The following CHD2 variants were observed in gnomAD, a reference collection of about 807,000 sequenced individuals.
CHD2 encodes ATP-dependent chromatin remodeler CHD2.
Under a neutral mutation model 243.9 loss-of-function variants are expected in CHD2, and 28 were observed. The observed-to-expected ratio is 0.11, with a 90% confidence interval of 0.09 to 0.16. The LOEUF (loss-of-function observed/expected upper bound fraction) is 0.16. Among genes scored for constraint, CHD2 ranks in the 10% least tolerant of loss-of-function variants. The pLI is 1.00. For missense variants in CHD2, 1,386 were observed against 2,209.8 expected (o/e 0.63, Z 7.47); for synonymous variants, 775 against 779.0 (o/e 0.99, Z 0.09).
intron 38 of CHD2, among the ~76,000 whole-genome samples, chr15:93,023,786 G>GT (rs1305241350): frequency 2.6e-5 from 4 of 151,042 alleles, no homozygotes; most frequent in South Asian, 2.1e-4. Flanking sequence ...TCTTCTCATG[G>GT]TTTTTTTTGG....
intron 2 of CHD2, among the ~76,000 whole-genome samples, chr15:92,915,788 A>T (rs916610828): frequency 6.6e-6 from 1 of 152,200 alleles, no homozygotes; most frequent in Admixed American, 6.5e-5. Flanking sequence ...TCAAGCTGGG[A>T]ACTGTGTCAG....
At chr15:92,972,850 C>CAA (rs758722546) in intron 19 of CHD2, among the ~76,000 whole-genome samples, 3 of 7,194 alleles carry the variant, frequency 4.2e-4, no homozygotes, top group African/African-American at 5.2e-4. Context: ...GACTCCGTCT[C>CAA]AAAAAAAAAA....
At chr15:92,964,955 CATAT>C (rs1447835628) in intron 16 of CHD2, among the ~76,000 whole-genome samples, 1 of 152,118 alleles carries the variant, frequency 6.6e-6, no homozygotes, top group African/African-American at 2.4e-5. Flanking sequence ...TTTCCTTTTA[CATAT>C]TTACTGTGTG....
rs1429358185 is a variant in CHD2 at position 92,900,339 on chromosome 15, G to A, written c.-557G>A. On this transcript the variant is annotated 5_prime_UTR_variant, in exon 1 of 39. Transcript: ENST00000394196. ...CAGAGCTCTCAGAGCTGGGAAGGAG[G>A]CTCTAGATGGCGGCTGTGCCTTAGA... 1 of 382,846 alleles carries A rather than the reference G, an allele frequency of 2.6e-6. No individual in the cohort carries two copies. The highest frequency in any genetic ancestry group is 6.6e-4 in the Middle Eastern group (1 of 1,520). The allele number at this position is 382,846 out of a possible 1,614,324, so 23.7% of individuals were successfully genotyped here.
At chr15:92,917,739 G>A (rs1364581243) in intron 2 of CHD2, among the ~76,000 whole-genome samples, 1 of 152,200 alleles carries the variant, frequency 6.6e-6, no homozygotes, top group East Asian at 1.9e-4. Flanking sequence ...GCTGATAGTT[G>A]ATAGTGTGGA....
Position 92,930,220 on chromosome 15 carries a change from T to G in CHD2, c.443+1129T>G, listed in dbSNP as rs141194578. Reference sequence around the variant, plus strand: ...TCTTTCCTGAAATGTCCACCTTGATTACACCCTGGGAAATCCATGCATGTA... The same window carrying G: ...TCTTTCCTGAAATGTCCACCTTGATGACACCCTGGGAAATCCATGCATGTA... On this transcript the variant is annotated intron_variant, in intron 5 of 38. Coordinates refer to ENST00000394196, the MANE Select transcript of CHD2 (RefSeq NM_001271.4). Among the ~76,000 whole-genome samples the G allele has an allele frequency of 9.1e-4, 139 of 152,320 alleles. 1 individual carries two copies. In the East Asian group the frequency reaches 9.3e-3, roughly 10 times the overall value.
intron 36 of CHD2, among the ~76,000 whole-genome samples, chr15:93,012,890 G>A (rs908670451): frequency 6.6e-6 from 1 of 152,222 alleles, no homozygotes; most frequent in African/African-American, 2.4e-5. Context: ...TTTGGAATAG[G>A]GGGATGGGTG....
chr15:92,945,973 C>G, intron 11 of CHD2, 65 bp from the exon 12 acceptor site: 1 of 1,497,224 alleles, frequency 6.7e-7, no homozygotes. Flanking sequence ...ATGCATAAAA[C>G]AGAATGTCAT....
At chr15:92,952,599 A>G (rs1442518491) in intron 13 of CHD2, among the ~76,000 whole-genome samples, 1 of 152,144 alleles carries the variant, frequency 6.6e-6, no homozygotes, top group African/African-American at 2.4e-5. Flanking sequence ...GCCGTTGCTG[A>G]TCTGACAGGA....
chr15:92,923,138 T>G (rs1393377554), intron 2 of CHD2, among the ~76,000 whole-genome samples: 1 of 152,222 alleles, frequency 6.6e-6, no homozygotes, highest in East Asian at 1.9e-4. Context: ...GGATTGAAGT[T>G]AATGTGTATA....
Position 92,937,514 on chromosome 15 carries a change from A to C in CHD2, c.444-4A>C, listed in dbSNP as rs369479687. The C allele has an allele frequency of 8.0e-5, 128 of 1,596,576 alleles. No individual in the cohort carries two copies. The highest frequency in any genetic ancestry group is 1.1e-4 in the Non-Finnish European group (128 of 1,172,502). ...AAATTACTTTGTTTTGCTTTTGATC[A>C]CAGAGAAAAATGGAAACAGGAACCC... is the stretch of plus-strand genomic sequence containing the variant. On this transcript the variant is annotated splice_region_variant and splice_polypyrimidine_tract_variant and intron_variant, in intron 5 of 38. Transcript: ENST00000394196.
chr15:92,901,015 T>C (rs908776263), intron 1 of CHD2, among the ~76,000 whole-genome samples, 152 bp from the exon 2 acceptor site: 7 of 151,286 alleles, frequency 4.6e-5, no homozygotes, highest in Admixed American at 4.6e-4. Context: ...CCTGTTGTTT[T>C]TTCTTTTAAG....
chr15:92,968,467 G>A (rs927343578), intron 17 of CHD2, among the ~76,000 whole-genome samples: 2 of 152,220 alleles, frequency 1.3e-5, no homozygotes, highest in African/African-American at 4.8e-5. Context: ...TGACTTTAGA[G>A]GCAGAGGAAT....
chr15:92,924,863 C>T (rs182018882), intron 3 of CHD2, among the ~76,000 whole-genome samples: 7 of 152,256 alleles, frequency 4.6e-5, no homozygotes, highest in East Asian at 1.9e-4. Context: ...CGCAGTGGCA[C>T]GATCTTGGCT....
chr15:92,978,682 T>C (rs2053939159), intron 21 of CHD2, among the ~76,000 whole-genome samples: 1 of 152,264 alleles, frequency 6.6e-6, no homozygotes, highest in African/African-American at 2.4e-5. Flanking sequence ...TATTTTAGTA[T>C]GGAAAAGTTA....
chr15:92,989,310 G>A (rs912341787), intron 26 of CHD2, among the ~76,000 whole-genome samples: 4 of 152,132 alleles, frequency 2.6e-5, no homozygotes, highest in Admixed American at 2.6e-4. Context: ...CGGATTACAG[G>A]CGTGAGCCAC....
chr15:92,976,965 T>C (rs1048800194), intron 20 of CHD2, among the ~76,000 whole-genome samples: 4 of 152,144 alleles, frequency 2.6e-5, no homozygotes, highest in African/African-American at 7.2e-5. Flanking sequence ...TTTATTTATT[T>C]AACTACCTTA....
chr15:93,004,806 C>G (rs2054299655), intron 34 of CHD2, 55 bp downstream of exon 34: 4 of 1,580,764 alleles, frequency 2.5e-6, no homozygotes, highest in Non-Finnish European at 8.6e-7. Context: ...CTTGCTGTGG[C>G]TCTGCCTTTT....
chr15:92,991,570 A>G, intron 27 of CHD2, 53 bp downstream of exon 27: 2 of 1,336,386 alleles, frequency 1.5e-6, no homozygotes, highest in African/African-American at 1.5e-5. Flanking sequence ...TTTATTATAT[A>G]GTACGTTCTT....
Sources: gnomAD v4.1 joint callset for allele counts (sites outside exome capture counted in the v4.1 genomes callset) on GRCh38, gnomAD v4.1.1 for gene constraint, MANE v1.5 for transcripts, NCBI Gene and HGNC (gene_info 2026-07-23, HGNC 2026-07-21) for gene names.